Variants in PPP2R2B observed in about 807,000 individuals in gnomAD.
The protein encoded by PPP2R2B is serine/threonine-protein phosphatase 2A 55 kDa regulatory subunit B beta isoform.
Under a neutral mutation model 46.0 loss-of-function variants are expected in PPP2R2B, and 5 were observed. The ratio of observed to expected loss-of-function variants is 0.11; its 90% CI spans 0.06 to 0.23. The LOEUF is 0.23. Ranked by LOEUF, PPP2R2B falls within the 10% of genes least tolerant of loss-of-function variation. The pLI is 1.00. For synonymous variants in PPP2R2B, 215 were observed against 206.7 expected, an observed-to-expected ratio of 1.04 and a Z score of -0.34; for missense variants, 367 against 575.0, an observed-to-expected ratio of 0.64 and a Z score of 3.70.
At chr5:146,946,589 C>CTGT (rs916497556) in intron 1 of PPP2R2B, among the ~76,000 whole-genome samples, 1 of 152,096 alleles carries the variant, frequency 6.6e-6, no homozygotes, top group African/African-American at 2.4e-5. Context: ...TACACTAGAA[C>CTGT]TGTTAGGCCG....
intron 1 of PPP2R2B, among the ~76,000 whole-genome samples, chr5:146,899,781 G>A (rs1762765730): frequency 1.3e-5 from 2 of 152,142 alleles, no homozygotes; most frequent in South Asian, 4.1e-4. Context: ...AATACTTGAA[G>A]AGCTATTTCC....
intron 2 of PPP2R2B, among the ~76,000 whole-genome samples, chr5:146,808,958 GGTGTGTGTGTGTGTGT>G (rs35023590): frequency 2.7e-5 from 4 of 146,262 alleles, no homozygotes; most frequent in South Asian, 2.2e-4. Flanking sequence ...TGCTAACACT[GGTGTGTGTGTGTGTGT>G]GTGTGTGTGT....
intron 2 of PPP2R2B, among the ~76,000 whole-genome samples, chr5:146,795,412 G>A (rs139990677): frequency 2.0e-4 from 30 of 152,068 alleles, no homozygotes; most frequent in East Asian, 7.7e-4. Context: ...AATACATTAC[G>A]CCAAATGAAA....
rs1769887523 is a variant in PPP2R2B at position 146,581,384 on chromosome 5, C to G, written c.*8563G>C. 5 of 152,236 alleles carry G rather than the reference C, an allele frequency of 3.3e-5. No individual in the cohort carries two copies. In the South Asian group the frequency reaches 1.0e-3, roughly 32 times the overall value. The allele number at this position is 152,236 out of a possible 1,614,324, so 9.4% of individuals were successfully genotyped here. A position where few individuals can be genotyped will look rare whatever the true frequency, so the allele number is the denominator to read the frequency against. ...TTACTCACTATCACGAGAATAGCAC[C>G]AAGAAGATGGTGCTAAACCATGCAT... On this transcript the variant is annotated 3_prime_UTR_variant, in exon 10 of 10. Coordinates refer to ENST00000394411, the MANE Select transcript of PPP2R2B (RefSeq NM_181675.4).
In PPP2R2B at chr5:146,691,683, T is replaced by C. The variant is rs118179421; in HGVS notation, c.335-443A>G. Among the ~76,000 whole-genome samples, 224 of 152,276 alleles carry C rather than the reference T, an allele frequency of 1.5e-3. 4 individuals are homozygous for C. The East Asian group carries it at 0.023, about 16-fold the overall frequency. On this transcript the variant is annotated intron_variant, in intron 4 of 9. Transcript: ENST00000394411. ...CTAACACATTGTCCTTACCATGTCC[T>C]AAAAGGCCCTTCATGACCTGCCCTC... is the stretch of plus-strand genomic sequence containing the variant.
intron 5 of PPP2R2B, among the ~76,000 whole-genome samples, chr5:146,665,808 A>G (rs1475075809): frequency 2.0e-5 from 3 of 152,234 alleles, no homozygotes; most frequent in Non-Finnish European, 4.4e-5. Context: ...TCAGAGATTA[A>G]TGATCACAGA....
At chr5:146,950,163 G>T (rs917278072) in intron 1 of PPP2R2B, among the ~76,000 whole-genome samples, 4 of 151,962 alleles carry the variant, frequency 2.6e-5, no homozygotes, top group African/African-American at 7.2e-5. Flanking sequence ...TTGAGGAGAT[G>T]GGCACCCCAT....
chr5:147,004,518 A>C (rs1754337518), intron 1 of PPP2R2B, among the ~76,000 whole-genome samples: 1 of 152,186 alleles, frequency 6.6e-6, no homozygotes, highest in East Asian at 1.9e-4. Context: ...GAATCCTGGG[A>C]CAGCCTATAA....
At chr5:146,731,647 C>T (rs1243802497) in intron 2 of PPP2R2B, among the ~76,000 whole-genome samples, 1 of 152,188 alleles carries the variant, frequency 6.6e-6, no homozygotes, top group Non-Finnish European at 1.5e-5. Context: ...CACCCTCATT[C>T]TCAATTTCCT....
chr5:147,037,597 T>A (rs539720002), intron 1 of PPP2R2B, among the ~76,000 whole-genome samples: 1 of 152,154 alleles, frequency 6.6e-6, no homozygotes, highest in South Asian at 2.1e-4. Flanking sequence ...ATGTGTTGAG[T>A]GAGCAAGAAA....
intron 7 of PPP2R2B, among the ~76,000 whole-genome samples, chr5:146,625,583 G>A (rs1226999575): frequency 6.6e-6 from 1 of 152,044 alleles, no homozygotes; most frequent in African/African-American, 2.4e-5. Context: ...TTAAATGTAT[G>A]GTATTAAGTG....
chr5:146,938,107 C>A (rs1291043968), intron 1 of PPP2R2B, among the ~76,000 whole-genome samples: 3 of 152,056 alleles, frequency 2.0e-5, no homozygotes, highest in East Asian at 3.9e-4. Context: ...GATTGAGGTA[C>A]CGTATTTCAT....
At chr5:146,912,464 C>A (rs1165809384) in intron 1 of PPP2R2B, among the ~76,000 whole-genome samples, 2 of 151,594 alleles carry the variant, frequency 1.3e-5, no homozygotes, top group African/African-American at 4.8e-5. Context: ...TGCATACTTG[C>A]AGAGTTGACA....
intron 1 of PPP2R2B, among the ~76,000 whole-genome samples, chr5:146,953,574 A>G (rs115047517): frequency 0.015 from 2,209 of 152,282 alleles, 29 homozygotes; most frequent in Middle Eastern, 0.041. Context: ...AAAAGATATA[A>G]AGTGATACAA....
At chr5:146,871,231 C>T (rs938640867) in intron 2 of PPP2R2B, among the ~76,000 whole-genome samples, 1 of 152,216 alleles carries the variant, frequency 6.6e-6, no homozygotes, top group Admixed American at 6.5e-5. Context: ...AAGCCTCAGA[C>T]ATCTACATAT....
intron 5 of PPP2R2B, among the ~76,000 whole-genome samples, chr5:146,660,219 T>C (rs190021420): frequency 6.6e-6 from 1 of 152,300 alleles, no homozygotes; most frequent in East Asian, 1.9e-4. Context: ...AAATAGAGTA[T>C]GTACAATGAC....
intron 7 of PPP2R2B, among the ~76,000 whole-genome samples, chr5:146,601,238 A>T (rs933631256): frequency 1.3e-5 from 2 of 152,188 alleles, no homozygotes; most frequent in African/African-American, 4.8e-5. Flanking sequence ...CACTGCTATG[A>T]TTATACATGT....
At chr5:146,673,476 T>G (rs1581842903) in intron 5 of PPP2R2B, among the ~76,000 whole-genome samples, 1 of 60,746 alleles carries the variant, frequency 1.6e-5, no homozygotes, top group Non-Finnish European at 4.4e-5. Flanking sequence ...AGTAACCTAT[T>G]TAGAAGATTT....
intron 1 of PPP2R2B, among the ~76,000 whole-genome samples, chr5:146,994,943 T>C (rs924743452): frequency 1.3e-5 from 2 of 152,138 alleles, no homozygotes; most frequent in Non-Finnish European, 2.9e-5. Flanking sequence ...ATGATGGAAG[T>C]ATAGAATTCT....
Sources: gnomAD v4.1 joint callset for allele counts (sites outside exome capture counted in the v4.1 genomes callset) on GRCh38, gnomAD v4.1.1 for gene constraint, MANE v1.5 for transcripts, NCBI Gene and HGNC (gene_info 2026-07-23, HGNC 2026-07-21) for gene names.